Variants in MTSS1 observed in about 807,000 individuals in gnomAD.
MTSS1 encodes protein MTSS 1.
In MTSS1, 18 loss-of-function variants were observed where a neutral mutation model predicts 79.0. The observed-to-expected ratio is 0.23, with a 90% CI of 0.16 to 0.34. MTSS1 has a LOEUF of 0.34. MTSS1 is among the 10% of genes least tolerant of loss of function. MTSS1 has a pLI of 1.00. For missense variants in MTSS1, 815 were observed against 986.2 expected (o/e 0.83, Z 2.33); for synonymous variants, 341 against 368.6 (o/e 0.93, Z 0.86).
At chr8:124,606,429 AC>A (rs1834896485) in intron 3 of MTSS1, among the ~76,000 whole-genome samples, 1 of 152,078 alleles carries the variant, frequency 6.6e-6, no homozygotes, top group Non-Finnish European at 1.5e-5. Context: ...GACTACAGGC[AC>A]AAGCCCCTGC....
chr8:124,556,152 G>GC, intron 12 of MTSS1, 80 bp downstream of exon 12: 2 of 1,599,736 alleles, frequency 1.3e-6, no homozygotes, highest in Non-Finnish European at 1.7e-6. Flanking sequence ...GGCTGCCTTG[G>GC]CCCCCCAGTT....
intron 10 of MTSS1, among the ~76,000 whole-genome samples, chr8:124,561,760 A>G (rs940764313): frequency 5.9e-5 from 9 of 151,998 alleles, no homozygotes; most frequent in African/African-American, 2.2e-4. Flanking sequence ...AGCAGCACAT[A>G]TGGTTTAGTG....
chr8:124,714,325 T>C (rs575811395), intron 1 of MTSS1, among the ~76,000 whole-genome samples: 22 of 152,264 alleles, frequency 1.4e-4, no homozygotes, highest in African/African-American at 2.2e-4. Flanking sequence ...CTACTAACCA[T>C]AGGAAAATCG....
chr8:124,623,653 A>G (rs1814054630), intron 3 of MTSS1, among the ~76,000 whole-genome samples: 1 of 150,970 alleles, frequency 6.6e-6, no homozygotes, highest in Non-Finnish European at 1.5e-5. Context: ...GTTTGTTTTG[A>G]GACAGGGTCT....
intron 3 of MTSS1, among the ~76,000 whole-genome samples, chr8:124,663,992 G>T (rs1035094253): frequency 6.6e-6 from 1 of 152,198 alleles, no homozygotes; most frequent in Non-Finnish European, 1.5e-5. Context: ...GGTGTCTGCA[G>T]ACAAAGGAGA....
rs117560068 is a variant in MTSS1 at position 124,554,921 on chromosome 8, G to A, written c.1567+821C>T. Among the ~76,000 whole-genome samples, 153 of 152,294 alleles carry A rather than the reference G, an allele frequency of 1.0e-3. 2 individuals carry two copies. The East Asian group carries it at 0.026, about 26-fold the overall frequency. Reference sequence around the variant, plus strand: ...TGCAGTGATGCAGTCATGGATCACTGCAGCCTCGACTTCCCAGGCTCAAGC... The same window carrying A: ...TGCAGTGATGCAGTCATGGATCACTACAGCCTCGACTTCCCAGGCTCAAGC... On this transcript the variant is annotated intron_variant, in intron 13 of 13. Coordinates refer to ENST00000518547, the MANE Select transcript of MTSS1 (RefSeq NM_014751.6).
intron 3 of MTSS1, among the ~76,000 whole-genome samples, chr8:124,640,103 G>A (rs1194300145): frequency 6.6e-6 from 1 of 152,160 alleles, no homozygotes; most frequent in Non-Finnish European, 1.5e-5. Context: ...ATTTTACAGA[G>A]GAGGAAACTG....
rs1824563645 is a variant in MTSS1, at chr8:124,558,677, G to A, written c.1036-802C>T. On this transcript the variant is annotated intron_variant, in intron 10 of 13. Coordinates refer to ENST00000518547, the MANE Select transcript of MTSS1 (RefSeq NM_014751.6). ...GAGCAGCAGGCAGGGGGACCAGGGAGAGTGGGGCCGCTGTGGCTGCCACCC... is the reference window on the plus strand; with the variant it reads ...GAGCAGCAGGCAGGGGGACCAGGGAAAGTGGGGCCGCTGTGGCTGCCACCC... 2.7e-6 allele frequency: 4 copies of A among 1,507,106 alleles called. No individual in the cohort carries two copies. The South Asian group carries it at 4.9e-5, about 19-fold the overall frequency. The allele number at this position is 1,507,106 out of a possible 1,614,324, so 93.4% of individuals were successfully genotyped here. A position where few individuals can be genotyped will look rare whatever the true frequency, so the allele number is the denominator to read the frequency against.
At chr8:124,628,551 G>A (rs1389241504) in intron 3 of MTSS1, among the ~76,000 whole-genome samples, 1 of 152,106 alleles carries the variant, frequency 6.6e-6, no homozygotes, top group Non-Finnish European at 1.5e-5. Context: ...TCTGGGAAGG[G>A]GCAGAAGAAA....
rs1822758213 is a variant in MTSS1 at position 124,552,940 on chromosome 8, T to C, written c.*52A>G. 1.9e-6 allele frequency: 3 copies of C among 1,550,222 alleles called. No individual in the cohort carries two copies. Among genetic ancestry groups the C allele is most frequent in the Non-Finnish European group, 2.6e-6 (3 of 1,134,600 alleles). Reference sequence around the variant, plus strand: ...TAGAGTGGAATGGATCAAGACAAATTAGGTTTTATTAATGAAACAGTTCAT... The same window carrying C: ...TAGAGTGGAATGGATCAAGACAAATCAGGTTTTATTAATGAAACAGTTCAT... On this transcript the variant is annotated 3_prime_UTR_variant, in exon 14 of 14. Coordinates refer to ENST00000518547, the MANE Select transcript of MTSS1 (RefSeq NM_014751.6).
At chr8:124,554,665 C>G (rs963249427) in intron 13 of MTSS1, among the ~76,000 whole-genome samples, 2 of 152,192 alleles carry the variant, frequency 1.3e-5, no homozygotes, top group African/African-American at 2.4e-5. Context: ...GGGCATTACA[C>G]TCTAACACAC....
In MTSS1 at chr8:124,648,483, C is replaced by T. The variant is rs145655255; in HGVS notation, c.208+51043G>A. Among the ~76,000 whole-genome samples, 249 of 152,244 alleles carry T rather than the reference C, an allele frequency of 1.6e-3. 3 individuals carry two copies. The highest frequency in any genetic ancestry group is 5.8e-3 in the African/African-American group (239 of 41,542). ...GCTCACTTTGCCCTCTCTCCCCTAA[C>T]TCCTCAGGCCCCCAAAGCAGCCCAT... On this transcript the variant is annotated intron_variant, in intron 3 of 13. Transcript: ENST00000518547.
intron 3 of MTSS1, among the ~76,000 whole-genome samples, chr8:124,670,217 G>A (rs933892774): frequency 6.6e-6 from 1 of 152,166 alleles, no homozygotes; most frequent in Admixed American, 6.5e-5. Flanking sequence ...CCCTCCTGAG[G>A]TTATATTTGA....
At chr8:124,660,432 GCACACACACACACACACACACACACA>G (rs5894719) in intron 3 of MTSS1, among the ~76,000 whole-genome samples, 1 of 140,706 alleles carries the variant, frequency 7.1e-6, no homozygotes, top group Non-Finnish European at 1.6e-5. Flanking sequence ...CCATGCGCAT[GCACACACACACACACACACACACACA>G]CACACACACA....
chr8:124,638,413 G>A (rs1030336898), intron 3 of MTSS1, among the ~76,000 whole-genome samples: 8 of 152,136 alleles, frequency 5.3e-5, no homozygotes, highest in Non-Finnish European at 1.2e-4. Context: ...GATAAGTGGC[G>A]CTTCAAAGGA....
intron 7 of MTSS1, chr8:124,568,013 AGAC>A: frequency 8.1e-7 from 1 of 1,235,564 alleles, no homozygotes; most frequent in Non-Finnish European, 1.0e-6. Context: ...TTTAAAACAC[AGAC>A]GACTGGGTCC....
At chr8:124,658,435 T>C (rs1821388033) in intron 3 of MTSS1, among the ~76,000 whole-genome samples, 1 of 152,232 alleles carries the variant, frequency 6.6e-6, no homozygotes. Context: ...CTGAGTCCAT[T>C]AAACCTCTTT....
Position 124,582,239 on chromosome 8 carries a change from T to C in MTSS1, c.460+2848A>G, listed in dbSNP as rs1227151146. On this transcript the variant is annotated intron_variant, in intron 6 of 13. Transcript: ENST00000518547. This position sits in a 1 kb window ranked among gnomAD's most constrained non-coding sequence, Gnocchi z 4.8. ...ATCCCAAGCTGCTAAAAAATGATTT[T>C]GAGATAAAACCTACCAAAGGCAAAC... is the stretch of plus-strand genomic sequence containing the variant. 6.6e-6 allele frequency among the ~76,000 whole-genome samples: 1 copy of C among 152,192 alleles called. No homozygotes were observed. The highest frequency in any genetic ancestry group is 2.4e-5 in the African/African-American group (1 of 41,434).
At chr8:124,717,612 T>C (rs1832275285) in intron 1 of MTSS1, among the ~76,000 whole-genome samples, 1 of 152,084 alleles carries the variant, frequency 6.6e-6, no homozygotes, top group Admixed American at 6.5e-5. Flanking sequence ...GAGAATCACT[T>C]GAACCTGGGA....
Sources: allele counts gnomAD v4.1 joint callset (sites outside exome capture counted in the v4.1 genomes callset), GRCh38; gene constraint gnomAD v4.1.1; non-coding constraint Gnocchi (gnomAD v3.1); transcripts MANE v1.5; gene names NCBI Gene and HGNC (gene_info 2026-07-23, HGNC 2026-07-21).